The following NEMP2 variants were observed in gnomAD, a reference collection of about 807,000 sequenced individuals.
NEMP2 encodes UPF0571 transmembrane protein.
A neutral mutation model predicts 54.2 loss-of-function variants in NEMP2; 53 were observed. That is an observed-to-expected ratio of 0.98 (90% CI 0.78 to 1.23). The LOEUF (loss-of-function observed/expected upper bound fraction) is 1.23, where lower values mean the gene tolerates loss of function less well. NEMP2 is among the 50% of genes most tolerant of loss of function. The pLI is 0.00. For missense variants in NEMP2, 455 were observed against 511.3 expected, an observed-to-expected ratio of 0.89 and a Z score of 1.06; for synonymous variants, 197 against 190.3, an observed-to-expected ratio of 1.04 and a Z score of -0.29.
At chr2:190,558,964 T>C in the NEMP2 span, among the ~76,000 whole-genome samples, 6 of 152,238 alleles carry the variant, frequency 3.9e-5, no homozygotes, top group Non-Finnish European at 2.9e-5. The surrounding 1 kb of genome is among the most constrained non-coding windows in gnomAD (Gnocchi z 4.4). Flanking sequence ...CATTTTCCAT[T>C]TTAATCTATT....
At chr2:190,562,863 T>C in the NEMP2 span, among the ~76,000 whole-genome samples, 3 of 152,184 alleles carry the variant, frequency 2.0e-5, no homozygotes, top group African/African-American at 7.2e-5. The surrounding 1 kb of genome is among the most constrained non-coding windows in gnomAD (Gnocchi z 5.0). Flanking sequence ...CCTTGAGTTT[T>C]CAACTCATTC....
At chr2:190,602,022 C>A in the NEMP2 span, among the ~76,000 whole-genome samples, 1 of 152,110 alleles carries the variant, frequency 6.6e-6, no homozygotes, top group Non-Finnish European at 1.5e-5. Flanking sequence ...CTAAAATGAA[C>A]ACACAGATAA....
At chr2:190,431,524 G>A in the NEMP2 span, among the ~76,000 whole-genome samples, 13 of 152,236 alleles carry the variant, frequency 8.5e-5, no homozygotes, top group African/African-American at 1.4e-4. The surrounding 1 kb of genome is among the most constrained non-coding windows in gnomAD (Gnocchi z 4.4). Context: ...CCAACACAGC[G>A]AAACCCCGTC....
the NEMP2 span, among the ~76,000 whole-genome samples, chr2:190,491,753 TTAACCTG>T: frequency 6.6e-6 from 1 of 152,160 alleles, no homozygotes. This position sits in a 1 kb window ranked among gnomAD's most constrained non-coding sequence, Gnocchi z 4.2. Context: ...ACAAGGTTCT[TTAACCTG>T]CCCCAACAAA....
At chr2:190,609,434 G>T in the NEMP2 span, 11 of 152,078 alleles carry the variant, frequency 7.2e-5, no homozygotes, top group African/African-American at 2.2e-4. This position sits in a 1 kb window ranked among gnomAD's most constrained non-coding sequence, Gnocchi z 4.7. Flanking sequence ...GTGGAGGCCC[G>T]AGGAGTTTCT....
At chr2:190,461,050 A>G in the NEMP2 span, among the ~76,000 whole-genome samples, 3 of 152,178 alleles carry the variant, frequency 2.0e-5, no homozygotes. This position sits in a 1 kb window ranked among gnomAD's most constrained non-coding sequence, Gnocchi z 5.5. Context: ...TGTCTTTCTT[A>G]ACTCTTTGGA....
At position 190,514,197 on chromosome 2, in the gene NEMP2, G is replaced by A. The variant is rs115184394; in HGVS notation, c.953+256C>T. On this transcript the variant is annotated intron_variant, in intron 7 of 8. Coordinates refer to ENST00000409150, the MANE Select transcript of NEMP2 (RefSeq NM_001142645.2). This position sits in a 1 kb window ranked among gnomAD's most constrained non-coding sequence, Gnocchi z 5.7. ...CCAGAGTCCAAGTACTTCTGCCATTGACTCTAGTGAATTCTGAGTGAGCTC... is the reference window on the plus strand; with the variant it reads ...CCAGAGTCCAAGTACTTCTGCCATTAACTCTAGTGAATTCTGAGTGAGCTC... Among the ~76,000 whole-genome samples, 1,505 of 152,296 alleles carry A rather than the reference G, an allele frequency of 9.9e-3. 68 individuals are homozygous for A. The highest frequency in any genetic ancestry group is 0.078 in the Admixed American group (1,195 of 15,298).
At chr2:190,582,844 C>A in the NEMP2 span, among the ~76,000 whole-genome samples, 1 of 152,164 alleles carries the variant, frequency 6.6e-6, no homozygotes, top group Admixed American at 6.6e-5. The surrounding 1 kb of genome is among the most constrained non-coding windows in gnomAD (Gnocchi z 4.6). Context: ...GGTTTTCTAA[C>A]AATAACAGAT....
chr2:190,609,374 C>A, the NEMP2 span: 1 of 152,184 alleles, frequency 6.6e-6, no homozygotes, highest in Non-Finnish European at 1.5e-5. This position sits in a 1 kb window ranked among gnomAD's most constrained non-coding sequence, Gnocchi z 4.7. Flanking sequence ...TTGTCTCCTG[C>A]TAAATCATGG....
In NEMP2 at chr2:190,510,666, G is replaced by A; in HGVS notation, c.954-129C>T. ...GGAGGCCTGGGGAGGCGGATCACGA[G>A]GTCAGGAGATTGAGACGGTCCTGGC... is the stretch of plus-strand genomic sequence containing the variant. On this transcript the variant is annotated intron_variant, in intron 7 of 8. Transcript: ENST00000409150. The surrounding 1 kb of genome is among the most constrained non-coding windows in gnomAD (Gnocchi z 5.7). The A allele has an allele frequency of 1.2e-6, 1 of 831,154 alleles. No homozygotes were observed. Among genetic ancestry groups the A allele is most frequent in the Admixed American group, 2.4e-5 (1 of 41,820 alleles). 51.5% of individuals were successfully genotyped at this position (831,154 alleles called of 1,614,324 possible).
At chr2:190,446,150 C>T in the NEMP2 span, among the ~76,000 whole-genome samples, 1 of 152,158 alleles carries the variant, frequency 6.6e-6, no homozygotes, top group African/African-American at 2.4e-5. Flanking sequence ...CAGGATTCTC[C>T]CCTGTCTTGT....
the NEMP2 span, among the ~76,000 whole-genome samples, chr2:190,459,968 T>C: frequency 2.0e-5 from 3 of 152,258 alleles, no homozygotes; most frequent in Non-Finnish European, 4.4e-5. This position sits in a 1 kb window ranked among gnomAD's most constrained non-coding sequence, Gnocchi z 5.3. Flanking sequence ...TGGCCAGTCA[T>C]ACCTGCTGGC....
At chr2:190,499,311 C>T in the NEMP2 span, among the ~76,000 whole-genome samples, 21 of 152,016 alleles carry the variant, frequency 1.4e-4, no homozygotes, top group African/African-American at 5.1e-4. The surrounding 1 kb of genome is among the most constrained non-coding windows in gnomAD (Gnocchi z 6.0). Context: ...TTTGGGTGTT[C>T]AGCCAAAAAG....
chr2:190,511,287 G>A (rs144548525), intron 7 of NEMP2, among the ~76,000 whole-genome samples: 2 of 152,198 alleles, frequency 1.3e-5, no homozygotes, highest in East Asian at 1.9e-4. Flanking sequence ...GAACCTGGGA[G>A]GATTTGTGGG....
At chr2:190,607,585 C>T in the NEMP2 span, 1 of 152,158 alleles carries the variant, frequency 6.6e-6, no homozygotes, top group Admixed American at 6.5e-5. The surrounding 1 kb of genome is among the most constrained non-coding windows in gnomAD (Gnocchi z 5.2). Context: ...AATTGTGGAC[C>T]TTTAGCATGG....
the NEMP2 span, among the ~76,000 whole-genome samples, chr2:190,461,675 A>G: frequency 6.6e-6 from 1 of 152,072 alleles, no homozygotes; most frequent in Non-Finnish European, 1.5e-5. This position sits in a 1 kb window ranked among gnomAD's most constrained non-coding sequence, Gnocchi z 5.5. Flanking sequence ...AAAGGGGGAA[A>G]CAGCTCCCTC....
chr2:190,599,382 G>T, the NEMP2 span, among the ~76,000 whole-genome samples: 1 of 152,120 alleles, frequency 6.6e-6, no homozygotes, highest in Non-Finnish European at 1.5e-5. Context: ...TGGATAGATG[G>T]CAGGCCTCGA....
At chr2:190,574,787 C>CCCTTCCCTCCCTTCCCT in the NEMP2 span, among the ~76,000 whole-genome samples, 3 of 41,936 alleles carry the variant, frequency 7.2e-5, no homozygotes, top group Admixed American at 3.5e-4. Flanking sequence ...CTCCTTCCCT[C>CCCTTCCCTCCCTTCCCT]CCTTCCCTCC....
At position 190,509,428 on chromosome 2, in the gene NEMP2, C is replaced by G. The variant is rs1690279164; in HGVS notation, c.1131-116G>C. 8.3e-7 allele frequency: 1 copy of G among 1,198,248 alleles called. No individual in the cohort carries two copies. The highest frequency in any genetic ancestry group is 1.5e-5 in the African/African-American group (1 of 65,194). 74.2% of individuals were successfully genotyped at this position (1,198,248 alleles called of 1,614,324 possible). A position where few individuals can be genotyped will look rare whatever the true frequency, so the allele number is the denominator to read the frequency against. ...AATTAAATTTGACTTTGCATCAATA[C>G]AGGGTGGCATTTACACAGTGGGTGT... On this transcript the variant is annotated intron_variant, in intron 8 of 8. Coordinates refer to ENST00000409150, the MANE Select transcript of NEMP2 (RefSeq NM_001142645.2). The surrounding 1 kb of genome is among the most constrained non-coding windows in gnomAD (Gnocchi z 6.1).
Sources: allele counts gnomAD v4.1 joint callset (sites outside exome capture counted in the v4.1 genomes callset), GRCh38; gene constraint gnomAD v4.1.1; non-coding constraint Gnocchi (gnomAD v3.1); transcripts MANE v1.5; gene names NCBI Gene and HGNC (gene_info 2026-07-23, HGNC 2026-07-21).